RABGAP1L: variants seen among roughly 807,000 people sequenced by gnomAD.
RABGAP1L encodes the protein rab GTPase-activating protein 1-like.
In RABGAP1L, 63 loss-of-function variants were observed where a neutral mutation model predicts 137.7. The ratio of observed to expected loss-of-function variants is 0.46; its 90% CI spans 0.37 to 0.56. RABGAP1L has a LOEUF of 0.56. Ranked by LOEUF, RABGAP1L falls within the 20% of genes least tolerant of loss-of-function variation. RABGAP1L has a pLI of 0.00. For missense variants in RABGAP1L, 1,095 were observed against 1,244.0 expected, an observed-to-expected ratio of 0.88 and a Z score of 1.80; for synonymous variants, 431 against 433.7, an observed-to-expected ratio of 0.99 and a Z score of 0.08.
intron 13 of RABGAP1L, among the ~76,000 whole-genome samples, chr1:174,474,134 A>G (rs1658241512): frequency 6.6e-6 from 1 of 152,226 alleles, no homozygotes; most frequent in Non-Finnish European, 1.5e-5. Context: ...AGTATATAGT[A>G]GGTAGTTAAT....
intron 13 of RABGAP1L, among the ~76,000 whole-genome samples, chr1:174,598,195 G>C (rs1053501559): frequency 6.6e-6 from 1 of 152,018 alleles, no homozygotes; most frequent in Non-Finnish European, 1.5e-5. Context: ...GGGCATGTTG[G>C]TGCATGCCTG....
Position 174,219,289 on chromosome 1 carries a change from A to G in RABGAP1L, c.132A>G (p.Gln44=), listed in dbSNP as rs767336125. The change falls in exon 2 of 26, where the codon CAA becomes CAG. Residue 44 remains glutamine (Q), a synonymous_variant. Transcript: ENST00000681986. ...DNSTKHEEKP[Q]LKIVSNGDEQ... Reference sequence around the variant, plus strand: ...CTACAAAACATGAAGAAAAACCTCAACTGAAGGTATTTTTTTCTTTTCTAC... The same window carrying G: ...CTACAAAACATGAAGAAAAACCTCAGCTGAAGGTATTTTTTTCTTTTCTAC... The G allele has an allele frequency of 3.2e-6, 5 of 1,556,010 alleles. No individual in the cohort carries two copies. In the African/African-American group the frequency reaches 4.1e-5, roughly 13 times the overall value.
intron 1 of RABGAP1L, among the ~76,000 whole-genome samples, chr1:174,195,703 T>G (rs1449142183): frequency 8.9e-6 from 1 of 112,632 alleles, no homozygotes. Context: ...TTTCCTTCTT[T>G]CCTTCTTTCT....
intron 14 of RABGAP1L, among the ~76,000 whole-genome samples, chr1:174,641,105 G>A (rs1674501864): frequency 6.6e-6 from 1 of 151,484 alleles, no homozygotes; most frequent in Non-Finnish European, 1.5e-5. Flanking sequence ...CTACACTGGA[G>A]ATATAATATG....
chr1:174,337,765 A>G (rs1681612249), intron 11 of RABGAP1L, among the ~76,000 whole-genome samples: 1 of 152,100 alleles, frequency 6.6e-6, no homozygotes, highest in Non-Finnish European at 1.5e-5. Flanking sequence ...ATATTCAAGG[A>G]CTGAGTTCTG....
chr1:174,171,696 TAA>T (rs57052121), intron 1 of RABGAP1L, among the ~76,000 whole-genome samples: 1,951 of 134,198 alleles, frequency 0.015, 52 homozygotes, highest in African/African-American at 0.05. Flanking sequence ...TATTCAGCTT[TAA>T]AAAAAAAAAA....
At chr1:174,635,700 GA>G (rs1280788175) in intron 13 of RABGAP1L, among the ~76,000 whole-genome samples, 1 of 151,994 alleles carries the variant, frequency 6.6e-6, no homozygotes, top group Non-Finnish European at 1.5e-5. Flanking sequence ...ATTTCCTCTG[GA>G]TCGATTTGTA....
intron 1 of RABGAP1L, among the ~76,000 whole-genome samples, chr1:174,189,593 AG>A (rs1667062072): frequency 6.6e-6 from 1 of 152,222 alleles, no homozygotes; most frequent in Non-Finnish European, 1.5e-5. Flanking sequence ...TTGGGTCATG[AG>A]GGCTCTGCCC....
chr1:174,788,439 T>C (rs1687619275), intron 18 of RABGAP1L, among the ~76,000 whole-genome samples: 1 of 152,236 alleles, frequency 6.6e-6, no homozygotes, highest in Non-Finnish European at 1.5e-5. Flanking sequence ...TATTTCTTCT[T>C]TGTGGTACTT....
chr1:174,380,099 T>G (rs1295971414), intron 12 of RABGAP1L, among the ~76,000 whole-genome samples: 1 of 150,488 alleles, frequency 6.6e-6, no homozygotes, highest in African/African-American at 2.5e-5. Flanking sequence ...TTTATTGATT[T>G]GCGTATATTG....
intron 19 of RABGAP1L, among the ~76,000 whole-genome samples, chr1:174,869,312 T>A (rs986054883): frequency 6.6e-6 from 1 of 151,366 alleles, no homozygotes. Context: ...CATGGGGGAG[T>A]GGATCATGGG....
intron 17 of RABGAP1L, among the ~76,000 whole-genome samples, chr1:174,721,993 G>A (rs532597710): frequency 6.6e-6 from 1 of 152,180 alleles, no homozygotes; most frequent in East Asian, 1.9e-4. Context: ...GTGCAATGGC[G>A]CCATCTCAGC....
At chr1:174,529,102 A>G (rs1054221050) in intron 13 of RABGAP1L, among the ~76,000 whole-genome samples, 1 of 150,252 alleles carries the variant, frequency 6.7e-6, no homozygotes, top group African/African-American at 2.5e-5. Context: ...GAGCTTCTTT[A>G]GAATTGATAA....
intron 19 of RABGAP1L, among the ~76,000 whole-genome samples, chr1:174,846,611 T>C (rs1037052773): frequency 5.5e-5 from 4 of 72,824 alleles, no homozygotes; most frequent in African/African-American, 1.2e-4. Context: ...ATAATTTCTG[T>C]TCTTTTACAT....
intron 19 of RABGAP1L, among the ~76,000 whole-genome samples, chr1:174,910,210 A>T (rs1007050068): frequency 5.3e-5 from 8 of 152,166 alleles, no homozygotes; most frequent in African/African-American, 1.9e-4. Context: ...AGAGATGGAG[A>T]TGCAAGGAGG....
At chr1:174,973,384 CTT>C (rs1373728383) in intron 21 of RABGAP1L, among the ~76,000 whole-genome samples, 1 of 94,046 alleles carries the variant, frequency 1.1e-5, no homozygotes. Flanking sequence ...TCTTTCATTT[CTT>C]TTTTTTTTTT....
chr1:174,546,049 A>G (rs1665982544), intron 13 of RABGAP1L: 1 of 152,226 alleles, frequency 6.6e-6, no homozygotes, highest in African/African-American at 2.4e-5. Flanking sequence ...ATCTAAGTGG[A>G]AATTTAAAGA....
intron 13 of RABGAP1L, among the ~76,000 whole-genome samples, chr1:174,569,169 A>G (rs1026743278): frequency 2.0e-5 from 3 of 152,188 alleles, no homozygotes; most frequent in South Asian, 2.1e-4. Flanking sequence ...TCATCTGGGC[A>G]TGTGATGACT....
chr1:174,211,657 ACT>A (rs1668894348), intron 1 of RABGAP1L, among the ~76,000 whole-genome samples: 1 of 152,100 alleles, frequency 6.6e-6, no homozygotes, highest in African/African-American at 2.4e-5. Context: ...AATGGATTAA[ACT>A]CTCCAATGAA....
Sources: allele counts gnomAD v4.1 joint callset (sites outside exome capture counted in the v4.1 genomes callset), GRCh38; gene constraint gnomAD v4.1.1; transcripts MANE v1.5; gene names NCBI Gene and HGNC (gene_info 2026-07-23, HGNC 2026-07-21).